The following R3HCC1L variants were observed in gnomAD, a reference collection of about 807,000 sequenced individuals.
R3HCC1L encodes the protein coiled-coil domain-containing protein R3HCC1L.
A neutral mutation model predicts 59.9 loss-of-function variants in R3HCC1L; 51 were observed. The ratio of observed to expected loss-of-function variants is 0.85; its 90% CI spans 0.68 to 1.07. The LOEUF is 1.07. Ranked by LOEUF, R3HCC1L falls within the 50% of genes least tolerant of loss-of-function variation. The pLI, the probability that R3HCC1L is intolerant of heterozygous loss-of-function variation, is 0.00. For synonymous variants in R3HCC1L, 322 were observed against 315.2 expected, an observed-to-expected ratio of 1.02 and a Z score of -0.23; for missense variants, 965 against 933.0, an observed-to-expected ratio of 1.03 and a Z score of -0.45.
At chr10:98,174,623 ATT>A (rs1272571080) in intron 4 of R3HCC1L, 2 of 985,284 alleles carry the variant, frequency 2.0e-6, no homozygotes, top group Admixed American at 1.2e-4. Flanking sequence ...GGCGTTAGAC[ATT>A]ATCAAGGAGG....
At chr10:98,142,242 A>G (rs1845213988) in intron 1 of R3HCC1L, among the ~76,000 whole-genome samples, 1 of 152,228 alleles carries the variant, frequency 6.6e-6, no homozygotes, top group Admixed American at 6.5e-5. Context: ...TATAAACGAT[A>G]TGCATGTTCA....
intron 5 of R3HCC1L, among the ~76,000 whole-genome samples, chr10:98,216,105 T>C (rs1197075494): frequency 6.6e-6 from 1 of 152,222 alleles, no homozygotes; most frequent in Non-Finnish European, 1.5e-5. Context: ...TTATAATTTA[T>C]TCTGAATTTT....
chr10:98,146,045 A>G (rs1845619278), intron 1 of R3HCC1L, among the ~76,000 whole-genome samples: 1 of 152,214 alleles, frequency 6.6e-6, no homozygotes, highest in African/African-American at 2.4e-5. Context: ...TTTACCATAC[A>G]TATTTCTAAG....
At chr10:98,143,919 C>T (rs1845411346) in intron 1 of R3HCC1L, among the ~76,000 whole-genome samples, 1 of 151,920 alleles carries the variant, frequency 6.6e-6, no homozygotes, top group African/African-American at 2.4e-5. Flanking sequence ...GGTTTATTAC[C>T]CTATTCTGTT....
chr10:98,157,417 T>C (rs1846988791), intron 2 of R3HCC1L, among the ~76,000 whole-genome samples: 1 of 152,248 alleles, frequency 6.6e-6, no homozygotes. Context: ...GATCCATAGA[T>C]GGTCTATTCT....
intron 5 of R3HCC1L, among the ~76,000 whole-genome samples, chr10:98,215,074 T>C (rs1854018261): frequency 6.6e-6 from 1 of 152,156 alleles, no homozygotes; most frequent in South Asian, 2.1e-4. Context: ...TCCATGACAT[T>C]AAGCCTTTGT....
intron 4 of R3HCC1L, 95 bp downstream of exon 4, chr10:98,163,492 T>A (rs1017434416): frequency 1.2e-6 from 1 of 817,616 alleles, no homozygotes; most frequent in East Asian, 2.9e-5. Flanking sequence ...GTTATCATTT[T>A]ATTTTGTAAC....
intron 5 of R3HCC1L, among the ~76,000 whole-genome samples, chr10:98,220,386 CTTT>C (rs143442343): frequency 2.3e-5 from 3 of 128,024 alleles, no homozygotes; most frequent in African/African-American, 8.6e-5. Flanking sequence ...TTTTTCCCAT[CTTT>C]TTTTTTTTTT....
At chr10:98,178,228 A>G (rs539091252) in intron 4 of R3HCC1L, among the ~76,000 whole-genome samples, 1 of 151,976 alleles carries the variant, frequency 6.6e-6, no homozygotes, top group South Asian at 2.1e-4. Flanking sequence ...ATCCATCTCG[A>G]ATTAGTTTTT....
chr10:98,173,316 G>C (rs945483191), intron 4 of R3HCC1L, among the ~76,000 whole-genome samples: 2 of 152,040 alleles, frequency 1.3e-5, no homozygotes, highest in Non-Finnish European at 2.9e-5. Flanking sequence ...GCCTGTCCTG[G>C]TACCATCCCT....
intron 5 of R3HCC1L, among the ~76,000 whole-genome samples, chr10:98,226,898 T>G (rs1322628773): frequency 2.6e-5 from 4 of 152,240 alleles, no homozygotes. Flanking sequence ...GTATTCTGTT[T>G]CTCTTTGGGA....
intron 4 of R3HCC1L, among the ~76,000 whole-genome samples, chr10:98,171,447 G>T (rs1848498472): frequency 6.6e-6 from 1 of 152,080 alleles, no homozygotes; most frequent in Admixed American, 6.6e-5. Context: ...TGTTGTTAAG[G>T]CATAGATATT....
In R3HCC1L at chr10:98,200,046, T is replaced by C. The variant is rs924087581; in HGVS notation, c.-14-8055T>C. On this transcript the variant is annotated intron_variant, in intron 4 of 9. Transcript: ENST00000298999. ...TATTTTCTTAACCCTTTCTCAATTC[T>C]TATTCTATCATCGTCCTTCTTTAGT... Among the ~76,000 whole-genome samples the C allele has an allele frequency of 4.6e-5, 7 of 152,116 alleles. No individual in the cohort carries two copies. In the South Asian group the frequency reaches 6.2e-4, roughly 13 times the overall value.
chr10:98,139,316 C>T (rs896526584), intron 1 of R3HCC1L, among the ~76,000 whole-genome samples: 1 of 152,246 alleles, frequency 6.6e-6, no homozygotes, highest in Middle Eastern at 3.4e-3. Flanking sequence ...TATGATTAGC[C>T]GTCACACTAT....
chr10:98,235,269 C>A (rs577756956), intron 7 of R3HCC1L, among the ~76,000 whole-genome samples, 156 bp from the exon 8 acceptor site: 2 of 152,308 alleles, frequency 1.3e-5, no homozygotes, highest in East Asian at 3.9e-4. Flanking sequence ...GATACCTGAT[C>A]TAAAATAATT....
At chr10:98,212,935 A>G (rs1236418757) in intron 5 of R3HCC1L, among the ~76,000 whole-genome samples, 2 of 152,182 alleles carry the variant, frequency 1.3e-5, no homozygotes, top group East Asian at 1.9e-4. Context: ...TTATACCACC[A>G]TATTCTATAA....
chr10:98,242,166 G>A (rs948192361), intron 9 of R3HCC1L, among the ~76,000 whole-genome samples: 31 of 152,150 alleles, frequency 2.0e-4, no homozygotes, highest in African/African-American at 6.8e-4. Flanking sequence ...CTAGCATGGC[G>A]AAACTCTGTC....
intron 4 of R3HCC1L, among the ~76,000 whole-genome samples, chr10:98,169,615 C>T (rs535515150): frequency 1.1e-4 from 17 of 152,192 alleles, no homozygotes; most frequent in African/African-American, 3.4e-4. Flanking sequence ...TGGTTCATCG[C>T]GGCAGATTTT....
At chr10:98,162,580 C>T (rs572169540) in intron 2 of R3HCC1L, among the ~76,000 whole-genome samples, 23 of 152,246 alleles carry the variant, frequency 1.5e-4, no homozygotes, top group African/African-American at 5.3e-4. Flanking sequence ...CCAGCATATA[C>T]TTACTGAGTA....
Sources: gnomAD v4.1 joint callset for allele counts (sites outside exome capture counted in the v4.1 genomes callset) on GRCh38, gnomAD v4.1.1 for gene constraint, MANE v1.5 for transcripts, NCBI Gene and HGNC (gene_info 2026-07-23, HGNC 2026-07-21) for gene names.